The following MEIS2 variants were observed in gnomAD, a reference collection of about 807,000 sequenced individuals.
MEIS2 encodes the protein Meis homeobox 2.
Under a neutral mutation model 58.6 loss-of-function variants are expected in MEIS2, and 9 were observed. The ratio of observed to expected loss-of-function variants is 0.15; its 90% confidence interval spans 0.09 to 0.27. MEIS2 has a LOEUF of 0.27. MEIS2 is among the 10% of genes least tolerant of loss of function. MEIS2 has a pLI of 1.00. For synonymous variants in MEIS2, 221 were observed against 228.4 expected, an observed-to-expected ratio of 0.97 and a Z score of 0.29; for missense variants, 427 against 635.0, an observed-to-expected ratio of 0.67 and a Z score of 3.52.
chr15:36,958,867 C>A (rs952236889), intron 8 of MEIS2, among the ~76,000 whole-genome samples: 1 of 152,120 alleles, frequency 6.6e-6, no homozygotes, highest in Admixed American at 6.5e-5. Flanking sequence ...ACACTATGAC[C>A]AAATTAATAT....
At chr15:36,911,044 C>CAAAAAA (rs1187244002) in intron 9 of MEIS2, among the ~76,000 whole-genome samples, 1 of 83,280 alleles carries the variant, frequency 1.2e-5, no homozygotes, top group Non-Finnish European at 2.4e-5. Context: ...GACTCTGTCT[C>CAAAAAA]AAAAAAAAAA....
Position 37,070,836 on chromosome 15 carries a change from G to T in MEIS2, c.754+12935C>A, listed in dbSNP as rs551690620. Among the ~76,000 whole-genome samples, 23 of 152,132 alleles carry T rather than the reference G, an allele frequency of 1.5e-4. 1 individual carries two copies. The South Asian group carries it at 4.8e-3, about 32-fold the overall frequency. ...TCTAAGGAATCACAATAATTTAAGTGCCTAAAGTACTTTAGAGAGAATGTC... is the reference window on the plus strand; with the variant it reads ...TCTAAGGAATCACAATAATTTAAGTTCCTAAAGTACTTTAGAGAGAATGTC... On this transcript the variant is annotated intron_variant, in intron 7 of 11. Coordinates refer to ENST00000561208, the MANE Select transcript of MEIS2 (RefSeq NM_170675.5).
chr15:37,077,131 C>T (rs1371072174), intron 7 of MEIS2, among the ~76,000 whole-genome samples: 4 of 151,996 alleles, frequency 2.6e-5, no homozygotes, highest in African/African-American at 4.8e-5. Flanking sequence ...AAATTTGACA[C>T]GAGATGTACT....
intron 9 of MEIS2, among the ~76,000 whole-genome samples, chr15:36,916,990 C>T (rs1595717946): frequency 6.6e-6 from 1 of 152,130 alleles, no homozygotes; most frequent in South Asian, 2.1e-4. Context: ...CAGTCAGATA[C>T]ACTCATGCAC....
intron 8 of MEIS2, among the ~76,000 whole-genome samples, chr15:36,983,323 T>G (rs930182967): frequency 1.3e-5 from 2 of 152,148 alleles, no homozygotes; most frequent in East Asian, 3.8e-4. Context: ...CTGCTTTTTG[T>G]ATATGTTATG....
chr15:36,914,892 G>A (rs1173063457), intron 9 of MEIS2, among the ~76,000 whole-genome samples: 4 of 152,196 alleles, frequency 2.6e-5, no homozygotes, highest in Admixed American at 2.6e-4. Flanking sequence ...AAAGAAAGAC[G>A]TGTGAAGTCA....
chr15:37,041,592 G>A (rs752556313), intron 7 of MEIS2, among the ~76,000 whole-genome samples: 49 of 152,088 alleles, frequency 3.2e-4, no homozygotes, highest in Non-Finnish European at 6.2e-4. Context: ...CTAACTGCAG[G>A]AAGCTAAATC....
rs1037175915 is a variant in MEIS2 at position 36,986,286 on chromosome 15, G to A, written c.901-35886C>T. ...TATTTAGCCAAAGTCTTTCAGCTCC[G>A]AACTTTCTCTTTAGTACTCTGCTTT... On this transcript the variant is annotated intron_variant, in intron 8 of 11. Transcript: ENST00000561208. Among the ~76,000 whole-genome samples, 5 of 152,264 alleles carry A rather than the reference G, an allele frequency of 3.3e-5. No homozygotes were observed. In the South Asian group the frequency reaches 1.0e-3, roughly 32 times the overall value.
chr15:36,989,984 G>A (rs754147751), intron 8 of MEIS2, among the ~76,000 whole-genome samples: 60 of 152,136 alleles, frequency 3.9e-4, no homozygotes, highest in Non-Finnish European at 7.1e-4. Flanking sequence ...TCACTCTGTC[G>A]CCCAGGCTGG....
intron 2 of MEIS2, among the ~76,000 whole-genome samples, chr15:37,096,792 C>G (rs1894308706): frequency 6.6e-6 from 1 of 152,102 alleles, no homozygotes; most frequent in Non-Finnish European, 1.5e-5. Flanking sequence ...GGCCGCGGAA[C>G]CAACCCCTGA....
intron 8 of MEIS2, chr15:36,972,985 G>C (rs556686554): frequency 6.6e-6 from 1 of 152,262 alleles, no homozygotes; most frequent in South Asian, 2.1e-4. Flanking sequence ...ACTAGAATTA[G>C]TCTGTGTTTG....
In MEIS2 at chr15:36,891,729, G is replaced by A. The variant is rs1398332464; in HGVS notation, c.*444C>T. The A allele has an allele frequency of 6.0e-6, 1 of 167,184 alleles. No homozygotes were observed. The highest frequency in any genetic ancestry group is 1.9e-4 in the East Asian group (1 of 5,376). 10.4% of individuals were successfully genotyped at this position (167,184 alleles called of 1,614,324 possible). ...GGTTCTTTTCTCATTGGCCCAACAG[G>A]TTTAAAATATATACCACAGTCTCTC... On this transcript the variant is annotated 3_prime_UTR_variant, in exon 12 of 12. Transcript: ENST00000561208.
At chr15:37,065,084 G>A (rs995248767) in intron 7 of MEIS2, among the ~76,000 whole-genome samples, 5 of 152,096 alleles carry the variant, frequency 3.3e-5, no homozygotes, top group African/African-American at 9.7e-5. Context: ...TCAAGATCAG[G>A]TCAACTAGAG....
intron 7 of MEIS2, among the ~76,000 whole-genome samples, chr15:37,069,566 A>G (rs1890402879): frequency 6.6e-6 from 1 of 152,310 alleles, no homozygotes; most frequent in African/African-American, 2.4e-5. Flanking sequence ...GGTGTGACAC[A>G]TCCAAGTGGG....
In MEIS2 at chr15:37,083,633, C is replaced by T. The variant is rs534747574; in HGVS notation, c.754+138G>A. The T allele has an allele frequency of 3.5e-5, 20 of 565,726 alleles. No homozygotes were observed. The South Asian group carries it at 5.7e-4, about 16-fold the overall frequency. The allele number at this position is 565,726 out of a possible 1,614,324, so 35.0% of individuals were successfully genotyped here. ...GTAAGTTAAGAAGAGGAAATACTGT[C>T]TCTTTAAATAGCAGCTGATTCTACT... On this transcript the variant is annotated intron_variant, in intron 7 of 11. Transcript: ENST00000561208.
At chr15:37,068,296 A>G (rs547479578) in intron 7 of MEIS2, among the ~76,000 whole-genome samples, 54 of 152,208 alleles carry the variant, frequency 3.5e-4, no homozygotes, top group Non-Finnish European at 7.1e-4. Context: ...AGGAATCTCA[A>G]GCCATGACTT....
rs188433572 is a variant in MEIS2 at position 37,064,176 on chromosome 15, A to T, written c.754+19595T>A. ...TAAAACTTAAGATATCAAAAGAGAG[A>T]AAATACCTCATTTGTGTCTCCATAC... is the stretch of plus-strand genomic sequence containing the variant. On this transcript the variant is annotated intron_variant, in intron 7 of 11. Coordinates refer to ENST00000561208, the MANE Select transcript of MEIS2 (RefSeq NM_170675.5). Among the ~76,000 whole-genome samples, 908 of 152,282 alleles carry T rather than the reference A, an allele frequency of 6.0e-3. 5 individuals carry two copies. The highest frequency in any genetic ancestry group is 9.2e-3 in the Non-Finnish European group (624 of 68,002).
At chr15:36,915,664 T>C (rs151011226) in intron 9 of MEIS2, among the ~76,000 whole-genome samples, 1 of 152,300 alleles carries the variant, frequency 6.6e-6, no homozygotes, top group Non-Finnish European at 1.5e-5. Flanking sequence ...CTGATCATTA[T>C]GCCAGCAGGG....
intron 8 of MEIS2, 122 bp downstream of exon 8, chr15:37,036,692 T>C: frequency 9.0e-7 from 1 of 1,108,336 alleles, no homozygotes; most frequent in Non-Finnish European, 1.2e-6. Flanking sequence ...AGTCTGTTAG[T>C]CATCAGATTT....
Sources: allele counts gnomAD v4.1 joint callset (sites outside exome capture counted in the v4.1 genomes callset), GRCh38; gene constraint gnomAD v4.1.1; transcripts MANE v1.5; gene names NCBI Gene and HGNC (gene_info 2026-07-23, HGNC 2026-07-21).